ZNF704: variants seen among roughly 807,000 people sequenced by gnomAD.
ZNF704 encodes the protein zinc finger protein 704.
ZNF704 carries 10 observed loss-of-function variants against 44.7 expected under a neutral mutation model. The observed-to-expected ratio is 0.22, with a 90% confidence interval of 0.14 to 0.38. The LOEUF (loss-of-function observed/expected upper bound fraction) is 0.38. ZNF704 is among the 10% of genes least tolerant of loss of function. The probability of loss-of-function intolerance (pLI) is 1.00; values close to 1 mark genes in which losing one functional copy is unlikely to be tolerated. For synonymous variants in ZNF704, 211 were observed against 207.6 expected, an observed-to-expected ratio of 1.02 and a Z score of -0.14; for missense variants, 390 against 545.5, an observed-to-expected ratio of 0.71 and a Z score of 2.84.
chr8:80,762,800 CA>C (rs1475860683), intron 2 of ZNF704, among the ~76,000 whole-genome samples: 8 of 152,160 alleles, frequency 5.3e-5, no homozygotes, highest in African/African-American at 1.9e-4. Context: ...AAGTCCTTTC[CA>C]CCTATCAGCC....
chr8:80,877,588 C>T (rs1016030136), upstream of ZNF704, among the ~76,000 whole-genome samples: 1 of 152,174 alleles, frequency 6.6e-6, no homozygotes, highest in South Asian at 2.1e-4. Flanking sequence ...GAGCGCTTGC[C>T]ACTCAGAATG....
Position 80,641,165 on chromosome 8 carries a change from T to A in ZNF704, c.*201A>T, listed in dbSNP as rs1204201506. On this transcript the variant is annotated 3_prime_UTR_variant, in exon 9 of 9. Coordinates refer to ENST00000327835, the MANE Select transcript of ZNF704 (RefSeq NM_001033723.3). ...TAGCTGCTCCAAGCTGGGTTCTCAGTAAGAGCAACTTTCTTTTGTCATAGG... is the reference window on the plus strand; with the variant it reads ...TAGCTGCTCCAAGCTGGGTTCTCAGAAAGAGCAACTTTCTTTTGTCATAGG... 1 of 407,010 alleles carries A rather than the reference T, an allele frequency of 2.5e-6. No individual in the cohort carries two copies. The allele number at this position is 407,010 out of a possible 1,614,324, so 25.2% of individuals were successfully genotyped here. A position where few individuals can be genotyped will look rare whatever the true frequency, so the allele number is the denominator to read the frequency against.
At chr8:80,686,019 T>A (rs1563518405) in intron 4 of ZNF704, among the ~76,000 whole-genome samples, 2 of 152,262 alleles carry the variant, frequency 1.3e-5, no homozygotes, top group African/African-American at 4.8e-5. Flanking sequence ...GTGGTGATTT[T>A]AAAAATAATG....
intron 2 of ZNF704, among the ~76,000 whole-genome samples, chr8:80,722,095 CT>C (rs1819175824): frequency 6.6e-6 from 1 of 152,104 alleles, no homozygotes. Flanking sequence ...AAAAACGTAG[CT>C]GGGAGTGGTG....
chr8:80,801,079 T>C (rs530683761), intron 2 of ZNF704, among the ~76,000 whole-genome samples: 3 of 152,292 alleles, frequency 2.0e-5, no homozygotes, highest in East Asian at 1.9e-4. Flanking sequence ...CATTCCATAA[T>C]GGTAATGGTA....
intron 1 of ZNF704, among the ~76,000 whole-genome samples, chr8:80,823,965 T>C (rs1312747173): frequency 6.6e-6 from 1 of 152,026 alleles, no homozygotes; most frequent in Non-Finnish European, 1.5e-5. Flanking sequence ...ACCACAAAGG[T>C]GGGGAGAAAC....
Position 80,637,802 on chromosome 8 carries a change from G to A in ZNF704, c.*3564C>T, listed in dbSNP as rs924670063. 3 of 152,232 alleles carry A rather than the reference G, an allele frequency of 2.0e-5. No homozygotes were observed. The highest frequency in any genetic ancestry group is 2.9e-5 in the Non-Finnish European group (2 of 68,044). The allele number at this position is 152,232 out of a possible 1,614,324, so 9.4% of individuals were successfully genotyped here. ...GTCAGAAACCCACAGCTTTTTTCCT[G>A]ACACTGGCTTTTGCCAACCAAGGGA... On this transcript the variant is annotated 3_prime_UTR_variant, in exon 9 of 9. Coordinates refer to ENST00000327835, the MANE Select transcript of ZNF704 (RefSeq NM_001033723.3).
At chr8:80,878,174 T>G (rs143652329), upstream of ZNF704, among the ~76,000 whole-genome samples, 11 of 152,084 alleles carry the variant, frequency 7.2e-5, no homozygotes, top group East Asian at 2.1e-3. Context: ...AGATCTCCAG[T>G]GATTCTTAAA....
chr8:80,869,153 T>C (rs922686625), intron 1 of ZNF704, among the ~76,000 whole-genome samples: 3 of 152,244 alleles, frequency 2.0e-5, no homozygotes, highest in African/African-American at 4.8e-5. Flanking sequence ...ACTATGCACT[T>C]GGATTTGTGC....
At chr8:80,665,105 A>G in intron 5 of ZNF704, 23 bp from the exon 6 acceptor site, 1 of 1,610,848 alleles carries the variant, frequency 6.2e-7, no homozygotes, top group East Asian at 2.2e-5. Flanking sequence ...AGAGTAAAAC[A>G]ATCATACTAA....
chr8:80,811,602 C>G (rs547226581), intron 2 of ZNF704, among the ~76,000 whole-genome samples: 3 of 152,220 alleles, frequency 2.0e-5, no homozygotes, highest in Non-Finnish European at 4.4e-5. Context: ...TAGTGGCTAT[C>G]GAAAATACCA....
chr8:80,629,738 T>C lies in ZNF704; in HGVS notation c.*11628A>G, dbSNP rs529349234. 1 of 152,378 alleles carries C rather than the reference T, an allele frequency of 6.6e-6. No homozygotes were observed. Among genetic ancestry groups the C allele is most frequent in the South Asian group, 2.1e-4 (1 of 4,832 alleles). 9.4% of individuals were successfully genotyped at this position (152,378 alleles called of 1,614,324 possible). A position where few individuals can be genotyped will look rare whatever the true frequency, so the allele number is the denominator to read the frequency against. Reference sequence around the variant, plus strand: ...TTTCATATTTTGTTCTTTGAAACTATAACTGATACCCCTTGAAGAATATTT... The same window carrying C: ...TTTCATATTTTGTTCTTTGAAACTACAACTGATACCCCTTGAAGAATATTT... On this transcript the variant is annotated 3_prime_UTR_variant, in exon 9 of 9. Coordinates refer to ENST00000327835, the MANE Select transcript of ZNF704 (RefSeq NM_001033723.3).
intron 1 of ZNF704, among the ~76,000 whole-genome samples, chr8:80,825,971 G>A (rs1015556972): frequency 2.0e-5 from 3 of 152,160 alleles, no homozygotes; most frequent in Non-Finnish European, 4.4e-5. Context: ...ACAAGAGAAA[G>A]AAGGAAAGAT....
At chr8:80,743,439 G>A (rs985322314) in intron 2 of ZNF704, among the ~76,000 whole-genome samples, 3 of 152,110 alleles carry the variant, frequency 2.0e-5, no homozygotes, top group East Asian at 1.9e-4. Context: ...AACTAATAGT[G>A]GGTAAACATC....
intron 2 of ZNF704, among the ~76,000 whole-genome samples, chr8:80,700,009 C>T (rs1427631144): frequency 6.6e-6 from 1 of 152,148 alleles, no homozygotes; most frequent in African/African-American, 2.4e-5. Flanking sequence ...CTTTCATCTG[C>T]CTCCCTTAGG....
At chr8:80,816,704 TC>T (rs1808182169) in intron 2 of ZNF704, among the ~76,000 whole-genome samples, 1 of 152,248 alleles carries the variant, frequency 6.6e-6, no homozygotes, top group African/African-American at 2.4e-5. Flanking sequence ...TAATTTTCTT[TC>T]TGTTAATGAT....
chr8:80,716,487 C>A (rs530809332), intron 2 of ZNF704, among the ~76,000 whole-genome samples: 1 of 152,314 alleles, frequency 6.6e-6, no homozygotes, highest in African/African-American at 2.4e-5. Context: ...CATCTCTTAG[C>A]CTTCTAGCAC....
chr8:80,735,767 T>C (rs1585990218), intron 2 of ZNF704, among the ~76,000 whole-genome samples: 1 of 152,340 alleles, frequency 6.6e-6, no homozygotes, highest in East Asian at 1.9e-4. Flanking sequence ...TAATTGTAGG[T>C]TGTCTATTTC....
intron 7 of ZNF704, 64 bp downstream of exon 7, chr8:80,659,521 G>T: frequency 7.4e-7 from 1 of 1,349,862 alleles, no homozygotes; most frequent in Non-Finnish European, 1.1e-6. Context: ...TCTACTATTT[G>T]TTCGCTAAAT....
Sources: allele counts gnomAD v4.1 joint callset (sites outside exome capture counted in the v4.1 genomes callset), GRCh38; gene constraint gnomAD v4.1.1; transcripts MANE v1.5; gene names NCBI Gene and HGNC (gene_info 2026-07-23, HGNC 2026-07-21).